The following SGK1 variants were observed in gnomAD, a reference collection of about 807,000 sequenced individuals.
The protein encoded by SGK1 is serine/threonine-protein kinase Sgk1.
SGK1 carries 26 observed loss-of-function variants against 64.2 expected under a neutral mutation model. The observed-to-expected ratio is 0.40, with a 90% CI of 0.30 to 0.56. The LOEUF is 0.56. SGK1 is among the 20% of genes least tolerant of loss of function. The pLI, the probability that SGK1 is intolerant of heterozygous loss-of-function variation, is 0.38. For synonymous variants in SGK1, 265 were observed against 239.7 expected, an observed-to-expected ratio of 1.11 and a Z score of -0.98; for missense variants, 519 against 645.6, an observed-to-expected ratio of 0.80 and a Z score of 2.12.
chr6:134,291,407 T>C (rs1777262802), intron 1 of SGK1, among the ~76,000 whole-genome samples: 1 of 152,210 alleles, frequency 6.6e-6, no homozygotes, highest in Non-Finnish European at 1.5e-5. Flanking sequence ...TAAGTTGTTA[T>C]CTGACCTTAC....
chr6:134,305,400 C>T (rs905590389), intron 1 of SGK1, among the ~76,000 whole-genome samples: 23 of 149,184 alleles, frequency 1.5e-4, no homozygotes, highest in African/African-American at 4.7e-4. Context: ...AAAGAAAACC[C>T]GGTTTCTACT....
At chr6:134,245,736 A>C (rs552837041) in intron 2 of SGK1, among the ~76,000 whole-genome samples, 1 of 152,304 alleles carries the variant, frequency 6.6e-6, no homozygotes, top group East Asian at 1.9e-4. Context: ...CATGCCTATA[A>C]TCCCAGAACT....
chr6:134,174,857 C>G, intron 3 of SGK1: 1 of 1,612,046 alleles, frequency 6.2e-7, no homozygotes, highest in Admixed American at 1.7e-5. Context: ...ACCGGCTCGG[C>G]GTATGCTGCG....
intron 13 of SGK1, 182 bp downstream of exon 13, chr6:134,170,642 ATG>A: frequency 1.5e-6 from 1 of 676,044 alleles, no homozygotes; most frequent in Non-Finnish European, 2.5e-6. Flanking sequence ...GAATTGATAA[ATG>A]TGTCTAAAAA....
At chr6:134,179,080 A>T (rs1023074019) in intron 3 of SGK1, among the ~76,000 whole-genome samples, 31 of 152,182 alleles carry the variant, frequency 2.0e-4, no homozygotes, top group African/African-American at 7.0e-4. Flanking sequence ...TTTCCATTTA[A>T]TTTTAAAAGG....
intron 2 of SGK1, among the ~76,000 whole-genome samples, chr6:134,228,841 C>CTTTTTTTTT (rs754300980): frequency 7.7e-6 from 1 of 129,950 alleles, no homozygotes. Context: ...TGTAGTTGTT[C>CTTTTTTTTT]TTTTTTTTTT....
At chr6:134,209,634 G>A (rs965945522) in intron 2 of SGK1, among the ~76,000 whole-genome samples, 1 of 152,066 alleles carries the variant, frequency 6.6e-6, no homozygotes, top group African/African-American at 2.4e-5. Flanking sequence ...ATGACACTAA[G>A]GTCATTGTTT....
intron 2 of SGK1, among the ~76,000 whole-genome samples, chr6:134,219,667 G>C (rs1776048905): frequency 6.6e-6 from 1 of 151,464 alleles, no homozygotes; most frequent in Admixed American, 6.6e-5. Context: ...GGCAGAGGCA[G>C]GAGAATCGCT....
At chr6:134,298,087 C>T in intron 1 of SGK1, 1 of 1,322,848 alleles carries the variant, frequency 7.6e-7, no homozygotes, top group Non-Finnish European at 1.1e-6. Context: ...CCAGGTGAGA[C>T]TCCAGCTCTA....
At chr6:134,255,688 G>C (rs1252489719) in intron 2 of SGK1, among the ~76,000 whole-genome samples, 1 of 147,328 alleles carries the variant, frequency 6.8e-6, no homozygotes, top group African/African-American at 2.5e-5. Flanking sequence ...AGGTTCAAGC[G>C]ATTCTCCTGC....
At chr6:134,311,480 T>TAAA (rs879281450) in intron 1 of SGK1, among the ~76,000 whole-genome samples, 3 of 145,026 alleles carry the variant, frequency 2.1e-5, no homozygotes. Context: ...CTGTCTCTAC[T>TAAA]AAAAAAAAAA....
intron 3 of SGK1, among the ~76,000 whole-genome samples, chr6:134,205,790 G>C (rs868034564): frequency 6.6e-6 from 1 of 152,176 alleles, no homozygotes; most frequent in Non-Finnish European, 1.5e-5. Flanking sequence ...TTGTAAAAGC[G>C]TGAGGCATAA....
At chr6:134,312,613 G>A (rs1777623393) in intron 1 of SGK1, among the ~76,000 whole-genome samples, 1 of 152,132 alleles carries the variant, frequency 6.6e-6, no homozygotes, top group African/African-American at 2.4e-5. Context: ...AGAGATTAAG[G>A]ACACAGACTC....
intron 1 of SGK1, among the ~76,000 whole-genome samples, chr6:134,311,564 T>C (rs1248687977): frequency 6.6e-6 from 1 of 152,160 alleles, no homozygotes; most frequent in South Asian, 2.1e-4. Context: ...GGCAGGAGAA[T>C]TGCTTGAACC....
At chr6:134,243,916 T>C (rs903990494) in intron 2 of SGK1, among the ~76,000 whole-genome samples, 16 of 152,130 alleles carry the variant, frequency 1.1e-4, no homozygotes, top group Admixed American at 7.9e-4. Context: ...AAAACCAAAG[T>C]TCAGAAAACT....
At chr6:134,304,397 A>G (rs1443576067) in intron 1 of SGK1, among the ~76,000 whole-genome samples, 1 of 152,192 alleles carries the variant, frequency 6.6e-6, no homozygotes, top group African/African-American at 2.4e-5. Context: ...CACGCCTGCA[A>G]TCCCAGCACT....
intron 1 of SGK1, among the ~76,000 whole-genome samples, chr6:134,273,592 CAAAAAAAAAAAAAAAA>C (rs58634499): frequency 1.9e-4 from 3 of 16,208 alleles, no homozygotes; most frequent in Admixed American, 9.6e-4. Flanking sequence ...GACTCCGTCT[CAAAAAAAAAAAAAAAA>C]AAAAAAAAAA....
At chr6:134,297,234 C>T in intron 1 of SGK1, 3 of 1,085,366 alleles carry the variant, frequency 2.8e-6, no homozygotes, top group Non-Finnish European at 4.2e-6. Context: ...GCATTTCTAG[C>T]CCTCCAGCAG....
At chr6:134,199,579 A>AAG (rs1430108928) in intron 3 of SGK1, among the ~76,000 whole-genome samples, 1 of 149,650 alleles carries the variant, frequency 6.7e-6, no homozygotes, top group Non-Finnish European at 1.5e-5. Flanking sequence ...AAAAAAAAAG[A>AAG]AAGAGAGTTT....
Sources: allele counts gnomAD v4.1 joint callset (sites outside exome capture counted in the v4.1 genomes callset), GRCh38; gene constraint gnomAD v4.1.1; transcripts MANE v1.5; gene names NCBI Gene and HGNC (gene_info 2026-07-23, HGNC 2026-07-21).